The following CCDC180 variants were observed in gnomAD, a reference collection of about 807,000 sequenced individuals.
CCDC180 encodes the protein coiled-coil domain-containing protein 180.
Under a neutral mutation model 209.2 loss-of-function variants are expected in CCDC180, and 154 were observed. The observed-to-expected ratio is 0.74, with a 90% confidence interval of 0.65 to 0.84. The LOEUF is 0.84. CCDC180 is among the 40% of genes least tolerant of loss of function. The pLI is 0.00. For synonymous variants in CCDC180, 778 were observed against 749.1 expected (o/e 1.04, Z -0.63); for missense variants, 1,874 against 1,997.3 (o/e 0.94, Z 1.18).
chr9:97,333,642 C>CCATTT (rs1208362071), intron 18 of CCDC180, among the ~76,000 whole-genome samples: 2 of 147,678 alleles, frequency 1.4e-5, no homozygotes, highest in African/African-American at 5.0e-5. Context: ...ATGAATTTAT[C>CCATTT]CATTTCTTCT....
chr9:97,362,429 C>T lies in CCDC180; in HGVS notation c.3890C>T (p.Thr1297Ile). The change falls in exon 28 of 37, where the codon ACC (threonine) becomes ATC (isoleucine). Residue 1297 changes from threonine (T) to isoleucine (I), a missense_variant. Transcript: ENST00000529487. ...AAGGCTGTACCCAGTGCCAGTGCTA[C>T]CTCTGCAGGCAGGTAGGACACAAAG... ...GKKAVPSASA[T>I]SAGSFTPHPK... 1.2e-6 allele frequency: 2 copies of T among 1,613,804 alleles called. No individual in the cohort carries two copies. The highest frequency in any genetic ancestry group is 8.5e-7 in the Non-Finnish European group (1 of 1,179,824).
At chr9:97,307,604 G>C, upstream of CCDC180, 1 of 794,852 alleles carries the variant, frequency 1.3e-6, no homozygotes, top group Non-Finnish European at 2.2e-6. Context: ...GGTGGATTAG[G>C]GTCCCGGATG....
intron 5 of CCDC180, 80 bp from the exon 6 acceptor site, chr9:97,314,313 C>A: frequency 6.5e-7 from 1 of 1,532,398 alleles, no homozygotes; most frequent in Non-Finnish European, 9.0e-7. Context: ...CCATGCCTGG[C>A]ACTTCCCCCA....
At chr9:97,362,545 C>T (rs963245949) in intron 28 of CCDC180, 104 bp downstream of exon 28, 12 of 1,494,518 alleles carry the variant, frequency 8.0e-6, no homozygotes, top group Non-Finnish European at 1.1e-5. Flanking sequence ...GAAGGCACCA[C>T]AATGCTCATG....
intron 31 of CCDC180, chr9:97,369,338 AG>A (rs1191719764): frequency 6.6e-6 from 1 of 152,318 alleles, no homozygotes; most frequent in African/African-American, 2.4e-5. Flanking sequence ...CAAAATGCCA[AG>A]AGACACAGTG....
rs1384603275 is a variant in CCDC180, at chr9:97,366,452, G to A, written c.4048-107G>A. 6.8e-6 allele frequency: 8 copies of A among 1,180,700 alleles called. No homozygotes were observed. The East Asian group carries it at 7.3e-5, about 11-fold the overall frequency. The allele number at this position is 1,180,700 out of a possible 1,614,324, so 73.1% of individuals were successfully genotyped here. A position where few individuals can be genotyped will look rare whatever the true frequency, so the allele number is the denominator to read the frequency against. ...GTGTCACTTCCACAGGGGATGCCAC[G>A]AGCAAAGGCTAGGGAGTGTGGAGGT... On this transcript the variant is annotated intron_variant, in intron 30 of 36. Transcript: ENST00000529487. This position sits in a 1 kb window ranked among gnomAD's most constrained non-coding sequence, Gnocchi z 4.3.
chr9:97,341,741 CAG>C (rs1826084517), intron 18 of CCDC180, among the ~76,000 whole-genome samples: 1 of 152,206 alleles, frequency 6.6e-6, no homozygotes, highest in African/African-American at 2.4e-5. Context: ...TTTAAGTCTG[CAG>C]AAGTTTCTGC....
intron 18 of CCDC180, among the ~76,000 whole-genome samples, chr9:97,335,936 G>A (rs1825890649): frequency 6.6e-6 from 1 of 152,194 alleles, no homozygotes; most frequent in African/African-American, 2.4e-5. Context: ...CAGTGATGAC[G>A]AGCGTTTTTT....
chr9:97,368,978 G>A lies in CCDC180; in HGVS notation c.4190-944G>A, dbSNP rs533198660. On this transcript the variant is annotated intron_variant, in intron 31 of 36. Transcript: ENST00000529487. ...ATATACTTCTAGTTAAATAAAAGAG[G>A]GAATTGGAAACATGAATAAGAAGCA... Among the ~76,000 whole-genome samples the A allele has an allele frequency of 2.0e-5, 3 of 152,042 alleles. No individual in the cohort carries two copies. In the East Asian group the frequency reaches 5.8e-4, roughly 29 times the overall value.
chr9:97,374,576 T>C lies in CCDC180; in HGVS notation c.4634T>C (p.Leu1545Pro), dbSNP rs1407141955. The C allele has an allele frequency of 1.9e-6, 3 of 1,613,926 alleles. No individual in the cohort carries two copies. Among genetic ancestry groups the C allele is most frequent in the East Asian group, 4.5e-5 (2 of 44,876 alleles). The change falls in exon 35 of 37, where the codon CTC becomes CCC. Residue 1545 changes from leucine (L) to proline (P), a missense_variant. Leu to Pro is a moderately conservative substitution (Grantham distance 98). Transcript: ENST00000529487. ...CCCCCCAAACAGAAATTATCAATGC[T>C]CATACGAAGGAAACTCGCTGGGCTC... ...MEPPKQKLSM[L>P]IRRKLAGLSL... is the part of the protein sequence containing the mutation.
intron 16 of CCDC180, among the ~76,000 whole-genome samples, chr9:97,329,133 G>T (rs1168991818): frequency 6.6e-6 from 1 of 152,210 alleles, no homozygotes; most frequent in Non-Finnish European, 1.5e-5. Flanking sequence ...AGAGATTCCT[G>T]TTTAGATTGC....
intron 9 of CCDC180, 70 bp from the exon 10 acceptor site, chr9:97,318,393 C>T: frequency 6.4e-7 from 1 of 1,563,712 alleles, no homozygotes; most frequent in Non-Finnish European, 8.7e-7. Flanking sequence ...CACCATGGTT[C>T]TCTTTCCCTC....
In CCDC180 at chr9:97,323,847, T is replaced by C; in HGVS notation, c.1315T>C (p.Phe439Leu). The change falls in exon 13 of 37, where the codon TTC becomes CTC. Residue 439 changes from phenylalanine (F) to leucine (L), a missense_variant. Transcript: ENST00000529487. ...EAETLVNQFF[F>L]QMVGALQGKV... The stretch of plus-strand genomic sequence containing the variant: ...AGAGACCCTGGTGAACCAGTTCTTC[T>C]TCCAGATGGTGGGAGCACTCCAGGG... 6.4e-7 allele frequency: 1 copy of C among 1,555,902 alleles called. No individual in the cohort carries two copies.
intron 15 of CCDC180, among the ~76,000 whole-genome samples, 191 bp downstream of exon 15, chr9:97,326,860 A>T (rs1833551058): frequency 6.6e-6 from 1 of 152,190 alleles, no homozygotes; most frequent in Non-Finnish European, 1.5e-5. Context: ...AGAATTTTTT[A>T]AAGTTTTTGG....
intron 9 of CCDC180, among the ~76,000 whole-genome samples, chr9:97,318,078 T>C (rs190179536): frequency 1.5e-3 from 232 of 152,262 alleles, no homozygotes; most frequent in Non-Finnish European, 2.3e-3. Flanking sequence ...GGCACTATCA[T>C]GAGTTCCATT....
chr9:97,375,858 A>G (rs1384556000), intron 36 of CCDC180: 1 of 471,876 alleles, frequency 2.1e-6, no homozygotes, highest in Non-Finnish European at 3.8e-6. Context: ...AAGGCTTTCC[A>G]AAGGCACAGT....
In CCDC180 at chr9:97,336,976, G is replaced by A. The variant is rs201110867; in HGVS notation, c.2274+6209G>A. 2.5e-3 allele frequency among the ~76,000 whole-genome samples: 383 copies of A among 152,260 alleles called. 1 individual carries two copies. The highest frequency in any genetic ancestry group is 8.7e-3 in the African/African-American group (361 of 41,548). ...TTGGCTCTCTGTTTGTCTGTTATTG[G>A]TGTGTAAGAATGCTTGTGATTTTTG... is the stretch of plus-strand genomic sequence containing the variant. On this transcript the variant is annotated intron_variant, in intron 18 of 36. Transcript: ENST00000529487.
rs1206908256 is a variant in CCDC180, at chr9:97,361,888, A to C, written c.3646A>C (p.Lys1216Gln). Residue 1216 changes from lysine (K) to glutamine (Q), a missense_variant, in exon 27 of 37, where the codon AAG becomes CAG. Physicochemically the swap from Lys to Gln is moderately conservative, Grantham distance 53. Coordinates refer to ENST00000529487, the MANE Select transcript of CCDC180 (RefSeq NM_020893.6). ...IEDPAVDVIR[K>Q]LLQLPNTKWP... is the part of the protein sequence containing the mutation. ...GGACCCAGCTGTGGATGTGATCAGG[A>C]AGCTCCTGCAGTGAGTGGCCCCAGG... The C allele has an allele frequency of 2.5e-6, 4 of 1,613,788 alleles. No homozygotes were observed. In the South Asian group the frequency reaches 3.3e-5, roughly 13 times the overall value.
rs563357190 is a variant in CCDC180, at chr9:97,354,645, C to T, written c.3079C>T (p.Arg1027Trp). ...LCSRLEKEAARIELVESVIML... is the reference protein window; with the variant it reads ...LCSRLEKEAAWIELVESVIML... ...TTCCCGACTGGAGAAGGAAGCTGCC[C>T]GGATAGAGTTGGTTGAAAGTGTCAT... Residue 1027 changes from arginine (R) to tryptophan (W), a missense_variant, in exon 23 of 37, where the codon CGG becomes TGG. By Grantham distance (101) the Arg-to-Trp change is moderately radical (BLOSUM62 -3). Transcript: ENST00000529487. 9.3e-6 allele frequency: 15 copies of T among 1,614,042 alleles called. No individual in the cohort carries two copies. Among genetic ancestry groups the T allele is most frequent in the South Asian group, 2.2e-5 (2 of 91,088 alleles).
Sources: allele counts gnomAD v4.1 joint callset (sites outside exome capture counted in the v4.1 genomes callset), GRCh38; gene constraint gnomAD v4.1.1; non-coding constraint Gnocchi (gnomAD v3.1); transcripts MANE v1.5; gene names NCBI Gene and HGNC (gene_info 2026-07-23, HGNC 2026-07-21).